Variants in MSH3 observed in about 807,000 individuals in gnomAD.
MSH3 encodes the protein DNA mismatch repair protein Msh3.
In MSH3, 106 loss-of-function variants were observed where a neutral mutation model predicts 123.3. The observed-to-expected ratio is 0.86, with a 90% confidence interval of 0.73 to 1.01. The LOEUF (loss-of-function observed/expected upper bound fraction) is 1.01, where lower values mean the gene tolerates loss of function less well. Ranked by LOEUF, MSH3 falls within the 50% of genes least tolerant of loss-of-function variation. The pLI is 0.00. For synonymous variants in MSH3, 515 were observed against 481.4 expected (o/e 1.07, Z -0.91); for missense variants, 1,459 against 1,347.6 (o/e 1.08, Z -1.29).
At chr5:80,809,580 T>C (rs1744970331) in intron 19 of MSH3, among the ~76,000 whole-genome samples, 1 of 152,232 alleles carries the variant, frequency 6.6e-6, no homozygotes, top group African/African-American at 2.4e-5. Context: ...ATGTGCTTGT[T>C]GAATTTGGTA....
intron 17 of MSH3, among the ~76,000 whole-genome samples, chr5:80,781,730 G>T (rs1308706307): frequency 6.6e-6 from 1 of 152,020 alleles, no homozygotes; most frequent in African/African-American, 2.4e-5. Context: ...ATTTCTGATT[G>T]TCTTTTTCCC....
chr5:80,690,700 A>G (rs2112827960), intron 8 of MSH3, among the ~76,000 whole-genome samples: 1 of 152,312 alleles, frequency 6.6e-6, no homozygotes, highest in South Asian at 2.1e-4. Context: ...ATGTGATCTT[A>G]AACATAAACA....
chr5:80,722,183 G>A (rs756398477), intron 8 of MSH3, among the ~76,000 whole-genome samples: 9 of 151,992 alleles, frequency 5.9e-5, no homozygotes, highest in East Asian at 1.9e-4. Context: ...CAACTCATAC[G>A]ATCTCCTTGC....
intron 19 of MSH3, among the ~76,000 whole-genome samples, chr5:80,805,066 A>G (rs1256604068): frequency 6.6e-6 from 1 of 152,230 alleles, no homozygotes; most frequent in African/African-American, 2.4e-5. Context: ...ACCCACAGGA[A>G]TCCACCCGTC....
In MSH3 at chr5:80,748,725, CACACACA is replaced by C. The variant is rs1435165584; in HGVS notation, c.1763+4111_1763+4117del. Among the ~76,000 whole-genome samples the C allele has an allele frequency of 8.2e-4, 95 of 115,738 alleles. 1 individual carries two copies. The highest frequency in any genetic ancestry group is 2.8e-3 in the African/African-American group (94 of 33,632). 75.9% of individuals were successfully genotyped at this position (115,738 alleles called of 152,430 possible). On this transcript the variant is annotated intron_variant, in intron 12 of 23. Transcript: ENST00000265081. Reference sequence around the variant, plus strand: ...ACACACACACACACACACACACACACACACACACCCATATGTATGTCATTGGTTTTGT... The same window carrying C: ...ACACACACACACACACACACACACACCCCATATGTATGTCATTGGTTTTGT...
chr5:80,707,264 T>C (rs1750746773), intron 8 of MSH3, among the ~76,000 whole-genome samples: 1 of 152,254 alleles, frequency 6.6e-6, no homozygotes, highest in African/African-American at 2.4e-5. Context: ...ATACCAACAT[T>C]TGTTTATTTA....
chr5:80,838,850 ATAAATTT>A, intron 20 of MSH3, among the ~76,000 whole-genome samples: 1 of 152,342 alleles, frequency 6.6e-6, no homozygotes, highest in East Asian at 1.9e-4. Flanking sequence ...GCTGTGTGAC[ATAAATTT>A]TTAATTACGA....
At position 80,819,380 on chromosome 5, in the gene MSH3, G is replaced by A. The variant is rs1631663; in HGVS notation, c.2813+5639G>A. On this transcript the variant is annotated intron_variant, in intron 20 of 23. Coordinates refer to ENST00000265081, the MANE Select transcript of MSH3 (RefSeq NM_002439.5). ...TATATATATGTGTGTATATATATGT[G>A]TATATATGTATATATGTGTATATAT... Among the ~76,000 whole-genome samples the A allele has an allele frequency of 2.9e-3, 41 of 14,014 alleles. No individual in the cohort carries two copies. The East Asian group carries it at 0.068, about 23-fold the overall frequency. The allele number at this position is 14,014 out of a possible 152,430, so 9.2% of individuals were successfully genotyped here. A position where few individuals can be genotyped will look rare whatever the true frequency, so the allele number is the denominator to read the frequency against.
At chr5:80,699,064 T>C (rs528779721) in intron 8 of MSH3, among the ~76,000 whole-genome samples, 1 of 152,214 alleles carries the variant, frequency 6.6e-6, no homozygotes, top group South Asian at 2.1e-4. Context: ...GAGACTGAGC[T>C]GAGATGGCTG....
At chr5:80,864,044 C>T (rs879117839) in intron 21 of MSH3, among the ~76,000 whole-genome samples, 1 of 152,060 alleles carries the variant, frequency 6.6e-6, no homozygotes, top group Non-Finnish European at 1.5e-5. Context: ...CAATTTAAGG[C>T]GTGGCAAGGA....
At chr5:80,830,303 C>T (rs1440360855) in intron 20 of MSH3, among the ~76,000 whole-genome samples, 1 of 151,986 alleles carries the variant, frequency 6.6e-6, no homozygotes, top group Non-Finnish European at 1.5e-5. Context: ...TCTGGTTTGC[C>T]CTTGAACTCT....
intron 20 of MSH3, among the ~76,000 whole-genome samples, chr5:80,834,331 T>C (rs1388062972): frequency 6.6e-6 from 1 of 151,212 alleles, no homozygotes; most frequent in Non-Finnish European, 1.5e-5. Flanking sequence ...AATTTTCTTA[T>C]AAAATATTAA....
At position 80,729,413 on chromosome 5, in the gene MSH3, C is replaced by CA. The variant is rs71603562; in HGVS notation, c.1568+465dup. On this transcript the variant is annotated intron_variant, in intron 10 of 23. Transcript: ENST00000265081. ...CCTGGGCGACAGCGAGACTCCGTCC[C>CA]AAAAAAAAAAAAAAAAATGTGTGTG... 3.3e-3 allele frequency among the ~76,000 whole-genome samples: 219 copies of CA among 66,200 alleles called. 3 individuals carry two copies. Among genetic ancestry groups the CA allele is most frequent in the African/African-American group, 7.1e-3 (118 of 16,662 alleles). The allele number at this position is 66,200 out of a possible 152,430, so 43.4% of individuals were successfully genotyped here.
chr5:80,677,759 G>A (rs1233285860), intron 7 of MSH3, among the ~76,000 whole-genome samples: 3 of 152,172 alleles, frequency 2.0e-5, no homozygotes, highest in Non-Finnish European at 4.4e-5. Flanking sequence ...TATAGTGTGT[G>A]TATTCTTTTG....
chr5:80,760,234 C>T (rs896665219), intron 12 of MSH3, among the ~76,000 whole-genome samples: 2 of 152,182 alleles, frequency 1.3e-5, no homozygotes, highest in Non-Finnish European at 2.9e-5. Flanking sequence ...TTTACAAACA[C>T]TTTAAATCCT....
chr5:80,805,593 C>CTTT (rs34689496), intron 19 of MSH3, among the ~76,000 whole-genome samples: 6 of 104,498 alleles, frequency 5.7e-5, no homozygotes, highest in Admixed American at 2.2e-4. Flanking sequence ...CCCCCCCTAC[C>CTTT]TTTTTTTTTT....
chr5:80,787,727 T>G, intron 18 of MSH3, 55 bp downstream of exon 18: 1 of 1,157,860 alleles, frequency 8.6e-7, no homozygotes, highest in Non-Finnish European at 1.3e-6. Flanking sequence ...ATGACATTAT[T>G]CAATTAATTA....
chr5:80,836,441 C>T (rs1278136324), intron 20 of MSH3, among the ~76,000 whole-genome samples: 2 of 150,174 alleles, frequency 1.3e-5, no homozygotes, highest in African/African-American at 2.5e-5. Context: ...ATAAGGCTTC[C>T]AGTCCACAGA....
At chr5:80,746,317 G>A (rs1743719012) in intron 12 of MSH3, 1 of 344,958 alleles carries the variant, frequency 2.9e-6, no homozygotes, top group Non-Finnish European at 5.7e-6. Context: ...TCCTTACAGT[G>A]TGACGGCGTC....
Sources: allele counts gnomAD v4.1 joint callset (sites outside exome capture counted in the v4.1 genomes callset), GRCh38; gene constraint gnomAD v4.1.1; transcripts MANE v1.5; gene names NCBI Gene and HGNC (gene_info 2026-07-23, HGNC 2026-07-21).